The following LRRC4C variants were observed in gnomAD, a reference collection of about 807,000 sequenced individuals.
LRRC4C encodes the protein leucine-rich repeat-containing protein 4C.
Under a neutral mutation model 33.6 loss-of-function variants are expected in LRRC4C, and 5 were observed. The ratio of observed to expected loss-of-function variants is 0.15; its 90% CI spans 0.08 to 0.31. LRRC4C has a LOEUF of 0.31. Among genes scored for constraint, LRRC4C ranks in the 10% least tolerant of loss-of-function variants. The pLI is 1.00. For synonymous variants in LRRC4C, 329 were observed against 302.0 expected (o/e 1.09, Z -0.93); for missense variants, 560 against 796.7 (o/e 0.70, Z 3.58).
intron 4 of LRRC4C, among the ~76,000 whole-genome samples, chr11:40,254,102 G>A (rs1387985565): frequency 1.3e-5 from 2 of 152,102 alleles, no homozygotes; most frequent in Non-Finnish European, 1.5e-5. Flanking sequence ...GACCTTTCCC[G>A]TATCCTTGCA....
intron 2 of LRRC4C, among the ~76,000 whole-genome samples, chr11:40,741,593 T>A (rs1360877378): frequency 1.3e-5 from 2 of 152,076 alleles, no homozygotes; most frequent in Non-Finnish European, 2.9e-5. Context: ...AAAAGTCACC[T>A]TCTTACAGCA....
intron 5 of LRRC4C, among the ~76,000 whole-genome samples, chr11:40,227,267 C>G (rs940184607): frequency 2.6e-5 from 4 of 152,192 alleles, no homozygotes; most frequent in African/African-American, 9.7e-5. Context: ...CCTCTCCTCC[C>G]AGTGGATTAT....
At chr11:40,703,596 A>G (rs1945991900) in intron 2 of LRRC4C, among the ~76,000 whole-genome samples, 1 of 152,090 alleles carries the variant, frequency 6.6e-6, no homozygotes, top group Non-Finnish European at 1.5e-5. Context: ...ACAGCCTTAC[A>G]CACTTGGAGA....
At chr11:40,771,929 C>T (rs1280107746) in intron 2 of LRRC4C, among the ~76,000 whole-genome samples, 3 of 152,176 alleles carry the variant, frequency 2.0e-5, no homozygotes, top group Non-Finnish European at 4.4e-5. Flanking sequence ...GAGTTCCAAA[C>T]TTTCCCACAT....
chr11:40,517,815 C>A (rs948257329), intron 3 of LRRC4C, among the ~76,000 whole-genome samples: 1 of 150,910 alleles, frequency 6.6e-6, no homozygotes, highest in Admixed American at 6.6e-5. Flanking sequence ...CAATCATAAA[C>A]AAAAAGAACA....
intron 1 of LRRC4C, among the ~76,000 whole-genome samples, chr11:41,458,687 A>T (rs1240149854): frequency 7.3e-5 from 11 of 151,678 alleles, no homozygotes; most frequent in Non-Finnish European, 1.6e-4. Context: ...ATTAAGAGCA[A>T]TTTTCAAGCA....
intron 1 of LRRC4C, among the ~76,000 whole-genome samples, chr11:41,009,239 A>ATTTTGAATATATATATATG (rs1048579688): frequency 8.6e-5 from 13 of 151,880 alleles, no homozygotes; most frequent in East Asian, 7.7e-4. Flanking sequence ...AAACATATAT[A>ATTTTGAATATATATATATG]TTTTGAATAT....
chr11:41,070,444 G>T (rs1301630939), intron 1 of LRRC4C, among the ~76,000 whole-genome samples: 1 of 152,094 alleles, frequency 6.6e-6, no homozygotes, highest in Non-Finnish European at 1.5e-5. Flanking sequence ...AAAAGCTTCT[G>T]CATAGCAAAA....
At chr11:40,679,642 C>G (rs181313347) in intron 2 of LRRC4C, among the ~76,000 whole-genome samples, 4 of 152,110 alleles carry the variant, frequency 2.6e-5, no homozygotes, top group Non-Finnish European at 4.4e-5. Flanking sequence ...GGTGGAAGCC[C>G]CAAGCCTTGG....
chr11:40,214,622 C>T (rs985890282), intron 5 of LRRC4C, among the ~76,000 whole-genome samples: 2 of 152,124 alleles, frequency 1.3e-5, no homozygotes, highest in Non-Finnish European at 2.9e-5. Flanking sequence ...AGAGAGCTCA[C>T]TCTCTCCCTG....
intron 3 of LRRC4C, among the ~76,000 whole-genome samples, chr11:40,361,151 C>A (rs1319701417): frequency 2.6e-5 from 4 of 152,088 alleles, no homozygotes; most frequent in African/African-American, 7.2e-5. Context: ...ACTAACTGGG[C>A]AAAACCTGGA....
At chr11:40,965,141 T>C (rs1346865086) in intron 1 of LRRC4C, among the ~76,000 whole-genome samples, 1 of 152,192 alleles carries the variant, frequency 6.6e-6, no homozygotes, top group Non-Finnish European at 1.5e-5. Flanking sequence ...GCATTTTTCA[T>C]GTGTTTTTTG....
At chr11:40,378,677 G>A (rs1948749203) in intron 3 of LRRC4C, among the ~76,000 whole-genome samples, 1 of 151,986 alleles carries the variant, frequency 6.6e-6, no homozygotes, top group Non-Finnish European at 1.5e-5. Context: ...TAGATGTCAG[G>A]TTTGCCTTAC....
chr11:40,509,571 G>A (rs558502077), intron 3 of LRRC4C, among the ~76,000 whole-genome samples: 16 of 151,690 alleles, frequency 1.1e-4, no homozygotes, highest in Admixed American at 2.6e-4. Context: ...GGAACAATGC[G>A]GTATGTTATG....
intron 3 of LRRC4C, among the ~76,000 whole-genome samples, chr11:40,320,158 A>G (rs1357476645): frequency 6.6e-6 from 1 of 152,168 alleles, no homozygotes; most frequent in African/African-American, 2.4e-5. Context: ...AGCTAAAAAC[A>G]ATACAGATAA....
At chr11:40,645,084 T>C (rs1942366533) in intron 3 of LRRC4C, among the ~76,000 whole-genome samples, 3 of 152,176 alleles carry the variant, frequency 2.0e-5, no homozygotes, top group Admixed American at 2.0e-4. Flanking sequence ...TGTCCTTAGT[T>C]GATTTTAAGG....
At chr11:40,242,693 A>G (rs1866012112) in intron 4 of LRRC4C, among the ~76,000 whole-genome samples, 2 of 152,174 alleles carry the variant, frequency 1.3e-5, no homozygotes, top group Non-Finnish European at 2.9e-5. Context: ...AGCATTTAAT[A>G]TATAAAGAAA....
intron 1 of LRRC4C, among the ~76,000 whole-genome samples, chr11:41,259,332 G>A (rs768408155): frequency 6.6e-6 from 1 of 151,800 alleles, no homozygotes; most frequent in Non-Finnish European, 1.5e-5. Flanking sequence ...TAATTTCCTG[G>A]TAGACATGGT....
intron 2 of LRRC4C, among the ~76,000 whole-genome samples, chr11:40,805,333 G>C (rs1033929738): frequency 6.6e-6 from 1 of 152,128 alleles, no homozygotes; most frequent in African/African-American, 2.4e-5. Context: ...AAAGGGGGAG[G>C]AAAACTTGTT....
Sources: gnomAD v4.1 joint callset for allele counts (sites outside exome capture counted in the v4.1 genomes callset) on GRCh38, gnomAD v4.1.1 for gene constraint, MANE v1.5 for transcripts, NCBI Gene and HGNC (gene_info 2026-07-23, HGNC 2026-07-21) for gene names.